The following FHIT variants were observed in gnomAD, a reference collection of about 807,000 sequenced individuals.
FHIT encodes the protein fragile histidine triad diadenosine triphosphatase, also known as bis(5'-adenosyl)-triphosphatase.
In FHIT, 19 loss-of-function variants were observed where a neutral mutation model predicts 17.9. The ratio of observed to expected loss-of-function variants is 1.06; its 90% CI spans 0.74 to 1.56. The LOEUF (loss-of-function observed/expected upper bound fraction) is 1.56. FHIT is among the 40% of genes most tolerant of loss of function. The pLI is 0.00. For synonymous variants in FHIT, 81 were observed against 69.7 expected (o/e 1.16, Z -0.81); for missense variants, 248 against 189.2 (o/e 1.31, Z -1.82).
chr3:59,997,325 C>T (rs1261150274), intron 7 of FHIT, among the ~76,000 whole-genome samples: 1 of 151,958 alleles, frequency 6.6e-6, no homozygotes, highest in African/African-American at 2.4e-5. Flanking sequence ...GAGAATCAAT[C>T]CAAATTGCCA....
At chr3:60,745,004 T>C (rs1171710833) in intron 4 of FHIT, among the ~76,000 whole-genome samples, 16 of 152,014 alleles carry the variant, frequency 1.1e-4, no homozygotes, top group Admixed American at 7.9e-4. Flanking sequence ...TCCCAGCTTT[T>C]AGGGAGGCAG....
intron 7 of FHIT, among the ~76,000 whole-genome samples, chr3:59,974,412 C>G (rs546076667): frequency 6.6e-6 from 1 of 152,174 alleles, no homozygotes; most frequent in Non-Finnish European, 1.5e-5. Context: ...TAAACACCTA[C>G]CTACTGGCTT....
rs531469718 is a variant in FHIT, at chr3:59,922,288, T to C, written c.348+58A>G. On this transcript the variant is annotated intron_variant, in intron 8 of 9. Coordinates refer to ENST00000492590, the MANE Select transcript of FHIT (RefSeq NM_002012.4). ...GGTAATACTTGATTCATTAGGTTGA[T>C]GTCATCCCACCGACAGTCCCCGTGA... 5 of 1,334,922 alleles carry C rather than the reference T, an allele frequency of 3.7e-6. No homozygotes were observed. The African/African-American group carries it at 7.2e-5, about 19-fold the overall frequency. 82.7% of individuals were successfully genotyped at this position (1,334,922 alleles called of 1,614,324 possible).
chr3:61,234,448 A>G (rs1008762913), intron 1 of FHIT, among the ~76,000 whole-genome samples: 6 of 152,232 alleles, frequency 3.9e-5, no homozygotes, highest in Admixed American at 2.0e-4. Flanking sequence ...GGGAAAATGC[A>G]TACAATATAT....
At chr3:60,793,505 G>C (rs1462665935) in intron 4 of FHIT, among the ~76,000 whole-genome samples, 2 of 152,128 alleles carry the variant, frequency 1.3e-5, no homozygotes, top group African/African-American at 4.8e-5. Flanking sequence ...ATTTTGCCAT[G>C]CTGGCCAGGC....
At chr3:60,382,793 G>A (rs1177491147) in intron 5 of FHIT, among the ~76,000 whole-genome samples, 1 of 152,096 alleles carries the variant, frequency 6.6e-6, no homozygotes, top group Non-Finnish European at 1.5e-5. Flanking sequence ...GCAGCATCTG[G>A]TCTAGTCTGA....
chr3:59,981,978 T>C lies in FHIT; in HGVS notation c.279+29393A>G, dbSNP rs1227525508. Among the ~76,000 whole-genome samples the C allele has an allele frequency of 4.0e-5, 6 of 151,884 alleles. 1 individual carries two copies. The highest frequency in any genetic ancestry group is 4.2e-4 in the South Asian group (2 of 4,808). ...GTCAGCAAAAAGAAAAAAAAAATTA[T>C]TGATCTGGTATTAAAAATCAGTTGA... is the stretch of plus-strand genomic sequence containing the variant. On this transcript the variant is annotated intron_variant, in intron 7 of 9. Transcript: ENST00000492590.
intron 5 of FHIT, among the ~76,000 whole-genome samples, chr3:60,441,413 C>G (rs113307421): frequency 1.8e-3 from 279 of 152,014 alleles, no homozygotes; most frequent in African/African-American, 6.3e-3. Context: ...AATGAAGTAG[C>G]TCACTGAATC....
intron 5 of FHIT, among the ~76,000 whole-genome samples, chr3:60,014,515 A>G (rs1359309802): frequency 6.6e-6 from 1 of 152,212 alleles, no homozygotes; most frequent in Non-Finnish European, 1.5e-5. Flanking sequence ...TCAGCAGCCA[A>G]AGGCACTAGG....
intron 7 of FHIT, among the ~76,000 whole-genome samples, chr3:59,967,661 C>A (rs544615861): frequency 1.3e-5 from 2 of 152,088 alleles, no homozygotes; most frequent in African/African-American, 4.8e-5. Flanking sequence ...AAGGTGTTCA[C>A]GAAGAGCCAG....
chr3:59,969,585 G>T (rs998081579), intron 7 of FHIT, among the ~76,000 whole-genome samples: 1 of 152,008 alleles, frequency 6.6e-6, no homozygotes, highest in African/African-American at 2.4e-5. Context: ...AACACTAATG[G>T]GAACAGTAAC....
At chr3:60,797,929 AT>A (rs1553730905) in intron 4 of FHIT, among the ~76,000 whole-genome samples, 19 of 152,080 alleles carry the variant, frequency 1.2e-4, no homozygotes. Context: ...ATTAATTTTA[AT>A]TTTTTCAATG....
intron 4 of FHIT, among the ~76,000 whole-genome samples, chr3:60,685,781 G>A (rs2040848809): frequency 6.6e-6 from 1 of 152,080 alleles, no homozygotes; most frequent in Non-Finnish European, 1.5e-5. Flanking sequence ...AATTCAAGTT[G>A]TCATTGAAAT....
chr3:60,159,184 G>A (rs927370551), intron 5 of FHIT, among the ~76,000 whole-genome samples: 17 of 152,046 alleles, frequency 1.1e-4, no homozygotes, highest in African/African-American at 3.1e-4. Flanking sequence ...GCAGTAACCC[G>A]ATCATGGCTC....
At chr3:60,565,429 C>A (rs911940973) in intron 4 of FHIT, among the ~76,000 whole-genome samples, 1 of 152,236 alleles carries the variant, frequency 6.6e-6, no homozygotes, top group Admixed American at 6.5e-5. Flanking sequence ...CAACACTTTC[C>A]GTTAATGGAG....
chr3:61,114,713 AT>A (rs931656974), intron 2 of FHIT, among the ~76,000 whole-genome samples: 1 of 151,630 alleles, frequency 6.6e-6, no homozygotes, highest in Non-Finnish European at 1.5e-5. Context: ...TAGTGAGTGA[AT>A]TTTTTTTTAC....
intron 5 of FHIT, among the ~76,000 whole-genome samples, chr3:60,106,245 G>T (rs1212050319): frequency 1.3e-5 from 2 of 152,142 alleles, no homozygotes; most frequent in African/African-American, 4.8e-5. Context: ...TGTAAATTTG[G>T]ATATGCCAAG....
chr3:60,863,265 A>G (rs1553753106), intron 3 of FHIT, among the ~76,000 whole-genome samples: 1 of 152,206 alleles, frequency 6.6e-6, no homozygotes, highest in Non-Finnish European at 1.5e-5. Flanking sequence ...ACAACCACAA[A>G]GAACCAAATT....
At chr3:60,536,671 G>C in intron 5 of FHIT, 189 bp downstream of exon 5, 1 of 518,866 alleles carries the variant, frequency 1.9e-6, no homozygotes, top group Non-Finnish European at 3.2e-6. Flanking sequence ...GCATATTACT[G>C]GTGCCACCAA....
Sources: allele counts gnomAD v4.1 joint callset (sites outside exome capture counted in the v4.1 genomes callset), GRCh38; gene constraint gnomAD v4.1.1; transcripts MANE v1.5; gene names NCBI Gene and HGNC (gene_info 2026-07-23, HGNC 2026-07-21).